PRTG: variants seen among roughly 807,000 people sequenced by gnomAD.
PRTG encodes the protein protogenin.
Under a neutral mutation model 122.5 loss-of-function variants are expected in PRTG, and 67 were observed. The ratio of observed to expected loss-of-function variants is 0.55; its 90% CI spans 0.45 to 0.67. The LOEUF (loss-of-function observed/expected upper bound fraction) is 0.67. PRTG is among the 30% of genes least tolerant of loss of function. The probability of loss-of-function intolerance (pLI) is 0.00; values close to 1 mark genes in which losing one functional copy is unlikely to be tolerated. For synonymous variants in PRTG, 554 were observed against 501.1 expected, an observed-to-expected ratio of 1.11 and a Z score of -1.41; for missense variants, 1,435 against 1,415.4, an observed-to-expected ratio of 1.01 and a Z score of -0.22.
At chr15:55,698,562 A>C (rs1221503838) in intron 2 of PRTG, among the ~76,000 whole-genome samples, 1 of 152,180 alleles carries the variant, frequency 6.6e-6, no homozygotes, top group Non-Finnish European at 1.5e-5. Context: ...AAGTGCTGGG[A>C]TTACAGGCAT....
At chr15:55,624,189 T>C (rs145704036) in intron 18 of PRTG, among the ~76,000 whole-genome samples, 153 bp downstream of exon 18, 96 of 152,272 alleles carry the variant, frequency 6.3e-4, no homozygotes, top group African/African-American at 1.9e-3. Context: ...AAATATTTTA[T>C]GTAAGGAATG....
At chr15:55,641,353 C>T (rs1386589322) in intron 11 of PRTG, 145 bp from the exon 12 acceptor site, 2 of 602,468 alleles carry the variant, frequency 3.3e-6, no homozygotes, top group Non-Finnish European at 5.9e-6. Flanking sequence ...CTCATTGACT[C>T]AGCAATCCAC....
At chr15:55,699,582 T>C (rs2059650806) in intron 2 of PRTG, among the ~76,000 whole-genome samples, 1 of 152,222 alleles carries the variant, frequency 6.6e-6, no homozygotes, top group African/African-American at 2.4e-5. Context: ...ATTTTCAGCA[T>C]CATTATTTTG....
intron 2 of PRTG, among the ~76,000 whole-genome samples, chr15:55,711,138 T>C (rs1391390742): frequency 1.3e-5 from 2 of 149,514 alleles, no homozygotes; most frequent in African/African-American, 5.0e-5. Context: ...GTCAGGCTGG[T>C]CTCGAACTCC....
chr15:55,725,896 G>T (rs148785663), intron 2 of PRTG, among the ~76,000 whole-genome samples: 5 of 151,524 alleles, frequency 3.3e-5, no homozygotes, highest in African/African-American at 1.2e-4. Context: ...CTCAGCCTCC[G>T]GAGTAGCTGA....
At chr15:55,706,135 C>T (rs1406556954) in intron 2 of PRTG, among the ~76,000 whole-genome samples, 1 of 150,566 alleles carries the variant, frequency 6.6e-6, no homozygotes, top group Non-Finnish European at 1.5e-5. Context: ...GTTGGGATTA[C>T]AGGCGTGAGC....
rs16976428 is a variant in PRTG at position 55,619,470 on chromosome 15, C to A, written c.*542G>T. ...CCTATATGACTCCTTTGATCACACA[C>A]ATTACACGTACAGCAATGAAAACAC... On this transcript the variant is annotated 3_prime_UTR_variant, in exon 20 of 20. Coordinates refer to ENST00000389286, the MANE Select transcript of PRTG (RefSeq NM_173814.6). 0.083 allele frequency: 12,834 copies of A among 155,464 alleles called. 906 individuals carry two copies. The highest frequency in any genetic ancestry group is 0.37 in the East Asian group (1,912 of 5,190). 9.6% of individuals were successfully genotyped at this position (155,464 alleles called of 1,614,324 possible). A position where few individuals can be genotyped will look rare whatever the true frequency, so the allele number is the denominator to read the frequency against.
intron 2 of PRTG, among the ~76,000 whole-genome samples, chr15:55,711,974 T>C (rs1205024056): frequency 6.6e-6 from 1 of 152,168 alleles, no homozygotes; most frequent in African/African-American, 2.4e-5. Flanking sequence ...CAGGTGACTG[T>C]TACACAAGTG....
intron 11 of PRTG, among the ~76,000 whole-genome samples, chr15:55,671,292 G>A (rs947697701): frequency 6.6e-6 from 1 of 152,166 alleles, no homozygotes; most frequent in Non-Finnish European, 1.5e-5. Flanking sequence ...TCTGTGAAAG[G>A]AAAAGCCAGA....
At chr15:55,639,037 T>C (rs996060230) in intron 13 of PRTG, among the ~76,000 whole-genome samples, 2 of 152,136 alleles carry the variant, frequency 1.3e-5, no homozygotes, top group African/African-American at 4.8e-5. Flanking sequence ...AGTAGTGGGA[T>C]CATAGCTCAC....
intron 4 of PRTG, among the ~76,000 whole-genome samples, chr15:55,680,980 T>C (rs1251818370): frequency 2.6e-5 from 4 of 152,184 alleles, no homozygotes; most frequent in Non-Finnish European, 5.9e-5. Context: ...ACATTTCATA[T>C]AAATGGAACC....
intron 2 of PRTG, 99 bp downstream of exon 2, chr15:55,740,283 A>T: frequency 2.7e-6 from 3 of 1,119,196 alleles, no homozygotes; most frequent in Non-Finnish European, 2.5e-6. Context: ...TAAAATTCTT[A>T]ATGCATGCAT....
At chr15:55,679,973 AAAG>A in intron 6 of PRTG, 78 bp downstream of exon 6, 1 of 1,121,210 alleles carries the variant, frequency 8.9e-7, no homozygotes. Flanking sequence ...AAAGCTCAAG[AAAG>A]AAGTAAGCTA....
intron 17 of PRTG, among the ~76,000 whole-genome samples, chr15:55,625,723 A>C (rs770499012): frequency 6.6e-6 from 1 of 150,448 alleles, no homozygotes; most frequent in Admixed American, 6.6e-5. Flanking sequence ...TCCCGGGTTC[A>C]TGCCATTCTC....
intron 11 of PRTG, among the ~76,000 whole-genome samples, chr15:55,670,902 A>AACACACACAC (rs59455199): frequency 7.0e-6 from 1 of 143,808 alleles, no homozygotes; most frequent in African/African-American, 2.6e-5. Flanking sequence ...CTCCGTCACA[A>AACACACACAC]ACACACACAC....
rs2059288104 is a variant in PRTG, at chr15:55,641,164, T to C, written c.2086A>G (p.Ile696Val). 5 of 1,613,964 alleles carry C rather than the reference T, an allele frequency of 3.1e-6. No homozygotes were observed. The highest frequency in any genetic ancestry group is 2.2e-5 in the South Asian group (2 of 91,074). ...YHVRLLAYNNIDDGYQADQTV... is the reference protein window; with the variant it reads ...YHVRLLAYNNVDDGYQADQTV... ...TGATCTGCCTGATAGCCATCGTCTATGTTGTTGTAAGCCAGGAGTCTCACA... is the reference window on the plus strand; with the variant it reads ...TGATCTGCCTGATAGCCATCGTCTACGTTGTTGTAAGCCAGGAGTCTCACA... Residue 696 changes from isoleucine (I) to valine (V), a missense_variant, in exon 12 of 20, where the codon ATA becomes GTA. Physicochemically the swap from Ile to Val is conservative, Grantham distance 29 (BLOSUM62 3). Coordinates refer to ENST00000389286, the MANE Select transcript of PRTG (RefSeq NM_173814.6).
chr15:55,637,723 T>C (rs2059265876), intron 14 of PRTG, among the ~76,000 whole-genome samples: 1 of 152,090 alleles, frequency 6.6e-6, no homozygotes, highest in Non-Finnish European at 1.5e-5. Flanking sequence ...CAACTTAACC[T>C]GATCTAGGAG....
intron 15 of PRTG, among the ~76,000 whole-genome samples, chr15:55,629,597 T>C (rs1279747075): frequency 6.6e-6 from 1 of 152,072 alleles, no homozygotes; most frequent in Non-Finnish European, 1.5e-5. Context: ...TGGCCCAGAC[T>C]GGACTGGAAC....
chr15:55,737,379 T>A (rs1445676343), intron 2 of PRTG, among the ~76,000 whole-genome samples: 2 of 152,192 alleles, frequency 1.3e-5, no homozygotes, highest in African/African-American at 4.8e-5. Flanking sequence ...GTTAGATGAA[T>A]TCTTTTGTGC....
Sources: gnomAD v4.1 joint callset for allele counts (sites outside exome capture counted in the v4.1 genomes callset) on GRCh38, gnomAD v4.1.1 for gene constraint, MANE v1.5 for transcripts, NCBI Gene and HGNC (gene_info 2026-07-23, HGNC 2026-07-21) for gene names.